The following ZHX2 variants were observed in gnomAD, a reference collection of about 807,000 sequenced individuals.
ZHX2 encodes the protein zinc fingers and homeoboxes 2.
ZHX2 carries 6 observed loss-of-function variants against 21.9 expected under a neutral mutation model. That is an observed-to-expected ratio of 0.27 (90% CI 0.15 to 0.54). The LOEUF (loss-of-function observed/expected upper bound fraction) is 0.54. ZHX2 is among the 20% of genes least tolerant of loss of function. ZHX2 has a pLI of 0.95. For missense variants in ZHX2, 908 were observed against 1,090.7 expected (o/e 0.83, Z 2.36); for synonymous variants, 434 against 437.1 (o/e 0.99, Z 0.09).
At position 122,918,863 on chromosome 8, in the gene ZHX2, G is replaced by C. The variant is rs534783082; in HGVS notation, c.-219-32429G>C. ...CTCAGGAGGCTGAGGCAGGAGAATT[G>C]CTTGAACCTGGGAGATGGAGGTTGC... is the stretch of plus-strand genomic sequence containing the variant. On this transcript the variant is annotated intron_variant, in intron 2 of 3. Transcript: ENST00000314393. 2.6e-5 allele frequency among the ~76,000 whole-genome samples: 4 copies of C among 151,474 alleles called. No homozygotes were observed. The South Asian group carries it at 8.4e-4, about 32-fold the overall frequency.
intron 2 of ZHX2, among the ~76,000 whole-genome samples, chr8:122,919,862 G>A (rs1396961919): frequency 6.6e-6 from 1 of 152,184 alleles, no homozygotes; most frequent in Non-Finnish European, 1.5e-5. Context: ...CCAGGTTACC[G>A]TAGAAATTGT....
At chr8:122,823,380 C>T (rs1818196576) in intron 1 of ZHX2, among the ~76,000 whole-genome samples, 4 of 152,270 alleles carry the variant, frequency 2.6e-5, no homozygotes. Flanking sequence ...TAAATGTACT[C>T]TCCATCTTCA....
At chr8:122,854,749 T>G (rs573590817) in intron 1 of ZHX2, among the ~76,000 whole-genome samples, 1 of 152,280 alleles carries the variant, frequency 6.6e-6, no homozygotes, top group South Asian at 2.1e-4. Context: ...CCAGCTCCCA[T>G]GGCACCTCCA....
intron 2 of ZHX2, among the ~76,000 whole-genome samples, chr8:122,887,873 C>T (rs1367446918): frequency 6.6e-6 from 1 of 152,158 alleles, no homozygotes; most frequent in Non-Finnish European, 1.5e-5. Context: ...TGTTGCCACC[C>T]TCTGCCGCGC....
intron 3 of ZHX2, among the ~76,000 whole-genome samples, chr8:122,968,034 A>G (rs1053584985): frequency 6.6e-6 from 1 of 152,098 alleles, no homozygotes; most frequent in Non-Finnish European, 1.5e-5. Flanking sequence ...TTTAGGGCTG[A>G]TGAGAAGGCG....
intron 2 of ZHX2, among the ~76,000 whole-genome samples, chr8:122,885,064 C>T (rs1369988206): frequency 6.6e-6 from 1 of 152,084 alleles, no homozygotes; most frequent in African/African-American, 2.4e-5. Flanking sequence ...TGGCTTGGAC[C>T]AGGGTTAGAC....
intron 2 of ZHX2, among the ~76,000 whole-genome samples, chr8:122,867,460 C>T (rs909471853): frequency 6.6e-6 from 1 of 152,212 alleles, no homozygotes; most frequent in South Asian, 2.1e-4. Flanking sequence ...ACTCTCTTTG[C>T]ATGCTTAGGA....
chr8:122,838,277 A>C (rs567686679), intron 1 of ZHX2, among the ~76,000 whole-genome samples: 2 of 152,356 alleles, frequency 1.3e-5, no homozygotes, highest in East Asian at 3.9e-4. Flanking sequence ...TCAAGTCACC[A>C]CAGACACCCT....
At position 122,953,049 on chromosome 8, in the gene ZHX2, C is replaced by T. The variant is rs958042231; in HGVS notation, c.1539C>T (p.Ile513=). 15 of 1,613,910 alleles carry T rather than the reference C, an allele frequency of 9.3e-6. No homozygotes were observed. The highest frequency in any genetic ancestry group is 5.0e-5 in the Admixed American group (3 of 60,002). The change falls in exon 3 of 4, where the codon ATC becomes ATT. Residue 513 remains isoleucine (I), a synonymous_variant. Transcript: ENST00000314393. The surrounding 1 kb of genome is among the most constrained non-coding windows in gnomAD (Gnocchi z 4.6). ...CCCTTGCCAAAGACCAGTTGGCCAT[C>T]GCGGCCTCCCGACACGGTCGCACGT... ...SESLAKDQLA[I]AASRHGRTYH... is the part of the protein sequence containing the mutation.
chr8:122,876,002 C>T (rs2129738319), intron 2 of ZHX2, among the ~76,000 whole-genome samples: 1 of 152,212 alleles, frequency 6.6e-6, no homozygotes, highest in African/African-American at 2.4e-5. Flanking sequence ...GTTTTGGCAT[C>T]CATCCATCCA....
At chr8:122,946,479 T>C (rs1812977880) in intron 2 of ZHX2, among the ~76,000 whole-genome samples, 1 of 152,154 alleles carries the variant, frequency 6.6e-6, no homozygotes, top group South Asian at 2.1e-4. Context: ...CTGAATGAGT[T>C]TTAGAAGATG....
intron 1 of ZHX2, among the ~76,000 whole-genome samples, chr8:122,796,426 C>T (rs751016290): frequency 6.6e-6 from 1 of 152,140 alleles, no homozygotes; most frequent in Non-Finnish European, 1.5e-5. Context: ...GTGCTAAGTA[C>T]TTACTTAGTA....
At chr8:122,859,704 C>T (rs988683203) in intron 1 of ZHX2, among the ~76,000 whole-genome samples, 1 of 152,146 alleles carries the variant, frequency 6.6e-6, no homozygotes, top group Non-Finnish European at 1.5e-5. Context: ...AGCCTGTTAG[C>T]TGTCCCTGTC....
intron 2 of ZHX2, among the ~76,000 whole-genome samples, chr8:122,949,357 A>G (rs1303461202): frequency 6.6e-6 from 1 of 152,218 alleles, no homozygotes; most frequent in Admixed American, 6.5e-5. Context: ...GACTGGGAAA[A>G]GTTTTGCAAC....
intron 1 of ZHX2, among the ~76,000 whole-genome samples, chr8:122,854,474 G>A (rs1224666454): frequency 6.6e-6 from 1 of 152,166 alleles, no homozygotes; most frequent in Admixed American, 6.5e-5. Context: ...CTCCCACTCT[G>A]GCCAGATCTG....
At chr8:122,972,712 G>A (rs1813756774) in intron 3 of ZHX2, among the ~76,000 whole-genome samples, 1 of 152,174 alleles carries the variant, frequency 6.6e-6, no homozygotes, top group Non-Finnish European at 1.5e-5. Context: ...AAATACTGTT[G>A]TGTACATCAA....
At chr8:122,894,187 G>T (rs1036532855) in intron 2 of ZHX2, among the ~76,000 whole-genome samples, 2 of 152,236 alleles carry the variant, frequency 1.3e-5, no homozygotes, top group Non-Finnish European at 2.9e-5. Context: ...GCTGATGCTT[G>T]GGCTGTGGCG....
At position 122,951,777 on chromosome 8, in the gene ZHX2, C is replaced by T; in HGVS notation, c.267C>T (p.Asn89=). 12 of 1,614,136 alleles carry T rather than the reference C, an allele frequency of 7.4e-6. No homozygotes were observed. The highest frequency in any genetic ancestry group is 1.3e-5 in the African/African-American group (1 of 75,018). Residue 89 remains asparagine, a synonymous_variant, in exon 3 of 4, where the codon AAC becomes AAT. Coordinates refer to ENST00000314393, the MANE Select transcript of ZHX2 (RefSeq NM_014943.5). ...ECKYCPYSTQ[N]LNEFTEHVDM... is the part of the protein sequence containing the mutation. ...AATACTGCCCCTACTCCACGCAAAA[C>T]CTGAACGAGTTCACGGAGCATGTCG...
In ZHX2 at chr8:122,922,360, G is replaced by A. The variant is rs1453660517; in HGVS notation, c.-219-28932G>A. 2.0e-5 allele frequency among the ~76,000 whole-genome samples: 3 copies of A among 152,148 alleles called. No homozygotes were observed. In the East Asian group the frequency reaches 5.8e-4, roughly 29 times the overall value. Reference sequence around the variant, plus strand: ...GTGTTATGAAACTGGAAGAAAAACTGTTCCACCACTAAATATATCCACTTA... The same window carrying A: ...GTGTTATGAAACTGGAAGAAAAACTATTCCACCACTAAATATATCCACTTA... On this transcript the variant is annotated intron_variant, in intron 2 of 3. Coordinates refer to ENST00000314393, the MANE Select transcript of ZHX2 (RefSeq NM_014943.5).
Sources: gnomAD v4.1 joint callset for allele counts (sites outside exome capture counted in the v4.1 genomes callset) on GRCh38, gnomAD v4.1.1 for gene constraint, Gnocchi (gnomAD v3.1) non-coding constraint, MANE v1.5 for transcripts, NCBI Gene and HGNC (gene_info 2026-07-23, HGNC 2026-07-21) for gene names.